The following IL1RAPL1 variants were observed in gnomAD, a reference collection of about 807,000 sequenced individuals.
IL1RAPL1 encodes interleukin-1 receptor accessory protein-like 1.
In IL1RAPL1, 3 loss-of-function variants were observed where a neutral mutation model predicts 48.4. The observed-to-expected ratio is 0.06, with a 90% CI of 0.03 to 0.16. IL1RAPL1 has a LOEUF of 0.16. Among genes scored for constraint, IL1RAPL1 ranks in the 10% least tolerant of loss-of-function variants. The probability of loss-of-function intolerance (pLI) is 1.00; values close to 1 mark genes in which losing one functional copy is unlikely to be tolerated. For missense variants in IL1RAPL1, 349 were observed against 530.6 expected (o/e 0.66, Z 3.36); for synonymous variants, 185 against 187.7 (o/e 0.99, Z 0.12).
intron 1 of IL1RAPL1, among the ~76,000 whole-genome samples, chrX:28,626,223 T>C (rs1934339472): frequency 8.9e-6 from 1 of 112,553 alleles, no homozygotes; most frequent in Non-Finnish European, 1.9e-5. Flanking sequence ...CAGCAAGCTC[T>C]GTGGTGGGCT....
intron 2 of IL1RAPL1, among the ~76,000 whole-genome samples, chrX:29,256,151 T>G (rs1931754059): frequency 9.0e-6 from 1 of 111,731 alleles, no homozygotes; most frequent in Non-Finnish European, 1.9e-5. Context: ...ATAGACATTC[T>G]GACTGGTGTG....
In IL1RAPL1 at chrX:29,636,689, T is replaced by G. The variant is rs144818723; in HGVS notation, c.704-31741T>G. Among the ~76,000 whole-genome samples the G allele has an allele frequency of 5.7e-3, 638 of 111,687 alleles. 7 individuals are homozygous for G. Among genetic ancestry groups the G allele is most frequent in the African/African-American group, 0.019 (587 of 30,729 alleles). On this transcript the variant is annotated intron_variant, in intron 5 of 10. Coordinates refer to ENST00000378993, the MANE Select transcript of IL1RAPL1 (RefSeq NM_014271.4). ...TAGAACCTAGTTAGCTTCTTGTCCA[T>G]GTGTACTATGTGTATGTAAAGCTAC...
chrX:29,066,451 A>G (rs951583062), intron 2 of IL1RAPL1, among the ~76,000 whole-genome samples: 1 of 112,087 alleles, frequency 8.9e-6, no homozygotes, highest in Admixed American at 9.5e-5. Context: ...ATTGTTTTGG[A>G]TAATACGTTG....
intron 5 of IL1RAPL1, among the ~76,000 whole-genome samples, chrX:29,404,913 GTTTGT>G: frequency 2.3e-5 from 1 of 43,058 alleles, no homozygotes; most frequent in African/African-American, 6.5e-5. Context: ...TTGTTTGTTT[GTTTGT>G]TTTGTTTTGT....
At chrX:29,064,709 G>A (rs2147435882) in intron 2 of IL1RAPL1, among the ~76,000 whole-genome samples, 1 of 110,882 alleles carries the variant, frequency 9.0e-6, no homozygotes, top group East Asian at 2.8e-4. Flanking sequence ...AGCCTCCCGA[G>A]TAGCTGGGAC....
chrX:29,894,666 T>A (rs1932341956), intron 6 of IL1RAPL1, among the ~76,000 whole-genome samples: 1 of 111,915 alleles, frequency 8.9e-6, no homozygotes, highest in Non-Finnish European at 1.9e-5. Context: ...AACTTGTGTA[T>A]AAAAGTAATT....
At chrX:28,971,325 T>C (rs972820288) in intron 2 of IL1RAPL1, among the ~76,000 whole-genome samples, 1 of 112,380 alleles carries the variant, frequency 8.9e-6, no homozygotes, top group East Asian at 2.8e-4. Context: ...TTGTTTATAG[T>C]CTTAAAATAT....
intron 5 of IL1RAPL1, among the ~76,000 whole-genome samples, chrX:29,636,503 C>T (rs1394269714): frequency 8.9e-6 from 1 of 111,738 alleles, no homozygotes; most frequent in African/African-American, 3.3e-5. Flanking sequence ...AATCTGGATG[C>T]CTTATTACAA....
intron 2 of IL1RAPL1, among the ~76,000 whole-genome samples, chrX:28,819,967 GATATATAT>G (rs764635166): frequency 0.05 from 1,322 of 26,624 alleles, 31 homozygotes; most frequent in Middle Eastern, 0.091. Flanking sequence ...TAAACATAGT[GATATATAT>G]ATATATATAT....
rs112854304 is a variant in IL1RAPL1, at chrX:29,317,873, C to T, written c.362+34656C>T. ...TCTTTTTGGTCTCCTGATAATCCTG[C>T]GAGGTAACATTAATATATGTGATAC... On this transcript the variant is annotated intron_variant, in intron 3 of 10. Coordinates refer to ENST00000378993, the MANE Select transcript of IL1RAPL1 (RefSeq NM_014271.4). 1.5e-4 allele frequency among the ~76,000 whole-genome samples: 17 copies of T among 111,554 alleles called. No homozygotes were observed. In the East Asian group the frequency reaches 3.1e-3, roughly 20 times the overall value.
At chrX:29,462,618 G>A (rs1934815835) in intron 5 of IL1RAPL1, among the ~76,000 whole-genome samples, 1 of 111,404 alleles carries the variant, frequency 9.0e-6, no homozygotes, top group African/African-American at 3.3e-5. Context: ...TGCAGTTTTG[G>A]TTGACAGTTC....
chrX:29,849,828 A>G (rs1324447175), intron 6 of IL1RAPL1, among the ~76,000 whole-genome samples: 1 of 111,840 alleles, frequency 8.9e-6, no homozygotes, highest in Non-Finnish European at 1.9e-5. Context: ...AAACCGTGAA[A>G]AGGAGTTTTT....
intron 1 of IL1RAPL1, among the ~76,000 whole-genome samples, chrX:28,702,844 T>G (rs1462284763): frequency 9.1e-6 from 1 of 109,670 alleles, no homozygotes; most frequent in Admixed American, 9.8e-5. Flanking sequence ...CATGTTGTGT[T>G]TTTTTTTTAC....
intron 2 of IL1RAPL1, among the ~76,000 whole-genome samples, chrX:29,239,711 G>GAT (rs2147563642): frequency 9.4e-6 from 1 of 106,316 alleles, no homozygotes; most frequent in African/African-American, 3.8e-5. Context: ...AACATTGTGA[G>GAT]ATTTTTTTTT....
chrX:29,130,857 C>A (rs140871033), intron 2 of IL1RAPL1, among the ~76,000 whole-genome samples: 17 of 112,327 alleles, frequency 1.5e-4, no homozygotes, highest in African/African-American at 5.2e-4. Flanking sequence ...ACCTGGCTAA[C>A]CATGTTTTAA....
intron 2 of IL1RAPL1, among the ~76,000 whole-genome samples, chrX:29,016,236 T>C (rs916204464): frequency 5.5e-4 from 61 of 111,320 alleles, no homozygotes; most frequent in African/African-American, 1.9e-3. Flanking sequence ...GGCAGACGCA[T>C]CTCATTCTCT....
At chrX:28,992,476 C>A (rs1383951589) in intron 2 of IL1RAPL1, among the ~76,000 whole-genome samples, 54 of 78,280 alleles carry the variant, frequency 6.9e-4, no homozygotes, top group African/African-American at 2.9e-3. Flanking sequence ...GCTGACAGAA[C>A]GAGACTCTGT....
At chrX:28,822,088 A>G (rs1936942971) in intron 2 of IL1RAPL1, among the ~76,000 whole-genome samples, 1 of 110,844 alleles carries the variant, frequency 9.0e-6, no homozygotes, top group Non-Finnish European at 1.9e-5. Flanking sequence ...AACTGTACAC[A>G]GGAAGGGTTC....
At chrX:29,445,282 C>G (rs187679722) in intron 5 of IL1RAPL1, among the ~76,000 whole-genome samples, 25 of 111,978 alleles carry the variant, frequency 2.2e-4, no homozygotes, top group African/African-American at 7.5e-4. Flanking sequence ...TCTTTCCATG[C>G]ACTAAAAGGC....
Sources: gnomAD v4.1 joint callset for allele counts (sites outside exome capture counted in the v4.1 genomes callset) on GRCh38, gnomAD v4.1.1 for gene constraint, MANE v1.5 for transcripts, NCBI Gene and HGNC (gene_info 2026-07-23, HGNC 2026-07-21) for gene names.